Variants in FBLN5 observed in about 807,000 individuals in gnomAD.
The protein encoded by FBLN5 is fibulin 5, also known as fibulin-5.
FBLN5 carries 24 observed loss-of-function variants against 61.6 expected under a neutral mutation model. The observed-to-expected ratio is 0.39, with a 90% CI of 0.28 to 0.55. The LOEUF is 0.55. Among genes scored for constraint, FBLN5 ranks in the 20% least tolerant of loss-of-function variants. FBLN5 has a pLI of 0.65. For synonymous variants in FBLN5, 213 were observed against 219.8 expected (o/e 0.97, Z 0.27); for missense variants, 470 against 594.1 (o/e 0.79, Z 2.17).
chr14:91,888,131 T>C (rs1362020818), intron 6 of FBLN5, among the ~76,000 whole-genome samples: 1 of 151,516 alleles, frequency 6.6e-6, no homozygotes, highest in African/African-American at 2.4e-5. Flanking sequence ...GGACCCCATC[T>C]CTTCAAAAAA....
chr14:91,884,590 C>T (rs1483397529), intron 7 of FBLN5, among the ~76,000 whole-genome samples: 1 of 152,214 alleles, frequency 6.6e-6, no homozygotes, highest in African/African-American at 2.4e-5. Flanking sequence ...GGTTAGCTGA[C>T]TTGACCAAGT....
At chr14:91,938,901 G>A (rs181966175) in intron 3 of FBLN5, among the ~76,000 whole-genome samples, 196 of 152,300 alleles carry the variant, frequency 1.3e-3, no homozygotes, top group Non-Finnish European at 2.4e-3. Context: ...TGAAGCCATC[G>A]CTGAAATGGG....
intron 4 of FBLN5, among the ~76,000 whole-genome samples, chr14:91,899,941 C>T (rs1479193478): frequency 6.6e-6 from 1 of 152,180 alleles, no homozygotes; most frequent in East Asian, 1.9e-4. Context: ...TGAACAGAAC[C>T]TTCCATTGTG....
intron 3 of FBLN5, among the ~76,000 whole-genome samples, chr14:91,938,125 C>G (rs942916664): frequency 1.3e-5 from 2 of 152,196 alleles, no homozygotes; most frequent in Non-Finnish European, 2.9e-5. Flanking sequence ...CTTCAAGTAA[C>G]AGTGGTCAGG....
chr14:91,894,920 G>A (rs531023960), intron 5 of FBLN5, 30 bp downstream of exon 5: 2 of 1,486,062 alleles, frequency 1.3e-6, no homozygotes, highest in South Asian at 2.2e-5. Context: ...ACTTCCAAGA[G>A]TCCCTGTGAC....
At position 91,937,111 on chromosome 14, in the gene FBLN5, G is replaced by A; in HGVS notation, c.215C>T (p.Thr72Ile). The change falls in exon 4 of 11, where the codon ACA becomes ATA. Residue 72 changes from threonine to isoleucine, a missense_variant. Physicochemically the swap from Thr to Ile is moderately conservative, Grantham distance 89 (BLOSUM62 -1). Transcript: ENST00000342058. ...QNGGYLCIPRTNPVYRGPYSN... is the reference protein window; with the variant it reads ...QNGGYLCIPRINPVYRGPYSN... Reference sequence around the variant, plus strand: ...GTAGGGCCCTCGATACACAGGGTTTGTCCGGGGAATGCATAAATACCCGCC... The same window carrying A: ...GTAGGGCCCTCGATACACAGGGTTTATCCGGGGAATGCATAAATACCCGCC... 6.2e-7 allele frequency: 1 copy of A among 1,614,096 alleles called. No homozygotes were observed. Among genetic ancestry groups the A allele is most frequent in the Non-Finnish European group, 8.5e-7 (1 of 1,180,024 alleles).
At chr14:91,939,495 A>C (rs559837727) in intron 3 of FBLN5, among the ~76,000 whole-genome samples, 70 of 151,224 alleles carry the variant, frequency 4.6e-4, no homozygotes, top group Non-Finnish European at 9.0e-4. Context: ...ACATGCCACT[A>C]CTCCTGGCTA....
chr14:91,930,523 T>C (rs926992747), intron 4 of FBLN5, among the ~76,000 whole-genome samples: 2 of 152,228 alleles, frequency 1.3e-5, no homozygotes, highest in Non-Finnish European at 2.9e-5. Flanking sequence ...ATCGGTTTCA[T>C]GGTTTCACGC....
At chr14:91,880,518 TGTGC>T (rs1231730602) in intron 9 of FBLN5, among the ~76,000 whole-genome samples, 11 of 117,974 alleles carry the variant, frequency 9.3e-5, no homozygotes, top group South Asian at 3.4e-4. Flanking sequence ...TCTGTGGGAG[TGTGC>T]GTGCGTGTGT....
At chr14:91,926,775 T>G (rs1595339769) in intron 4 of FBLN5, among the ~76,000 whole-genome samples, 4 of 127,588 alleles carry the variant, frequency 3.1e-5, no homozygotes, top group Non-Finnish European at 5.1e-5. Context: ...GTACGTGGAG[T>G]GGATCGGGGG....
At chr14:91,909,465 T>C (rs1890828069) in intron 4 of FBLN5, among the ~76,000 whole-genome samples, 2 of 152,296 alleles carry the variant, frequency 1.3e-5, no homozygotes, top group Admixed American at 6.5e-5. Flanking sequence ...GTACTGAAAT[T>C]CAGTTGCCAC....
chr14:91,928,743 T>C (rs1006348678), intron 4 of FBLN5, among the ~76,000 whole-genome samples: 16 of 148,012 alleles, frequency 1.1e-4, no homozygotes, highest in African/African-American at 3.8e-4. Context: ...CTGTAATCCA[T>C]CCAGCTTGGA....
chr14:91,911,925 G>A (rs775076954), intron 4 of FBLN5, among the ~76,000 whole-genome samples: 1 of 152,154 alleles, frequency 6.6e-6, no homozygotes, highest in African/African-American at 2.4e-5. Context: ...ACCTGAAAGC[G>A]GAAGACCTCC....
intron 2 of FBLN5, among the ~76,000 whole-genome samples, chr14:91,941,193 C>A (rs991852108): frequency 2.0e-5 from 3 of 152,128 alleles, no homozygotes; most frequent in African/African-American, 7.2e-5. Flanking sequence ...CCCATGAAAT[C>A]CTCTACCTGA....
At chr14:91,939,225 T>C (rs1169976814) in intron 3 of FBLN5, among the ~76,000 whole-genome samples, 2 of 152,214 alleles carry the variant, frequency 1.3e-5, no homozygotes, top group South Asian at 2.1e-4. Context: ...TTCCATGCTC[T>C]GAGTGTCCTT....
intron 4 of FBLN5, among the ~76,000 whole-genome samples, chr14:91,910,617 T>C (rs1306878148): frequency 1.3e-5 from 2 of 152,170 alleles, no homozygotes; most frequent in Non-Finnish European, 2.9e-5. Flanking sequence ...CTGAAAGAAA[T>C]AATCGATCTG....
intron 4 of FBLN5, among the ~76,000 whole-genome samples, chr14:91,926,443 C>T (rs2498820): frequency 0.071 from 10,741 of 152,214 alleles, 507 homozygotes; most frequent in African/African-American, 0.13. Context: ...GGCAGCCCAA[C>T]GGATAGGAGA....
intron 4 of FBLN5, 127 bp from the exon 5 acceptor site, chr14:91,895,199 G>A (rs1595308718): frequency 8.8e-7 from 1 of 1,130,322 alleles, no homozygotes; most frequent in East Asian, 2.4e-5. Flanking sequence ...CACCCAAGGA[G>A]GTGGCAGTGC....
intron 7 of FBLN5, among the ~76,000 whole-genome samples, 167 bp from the exon 8 acceptor site, chr14:91,883,243 T>A (rs1595298546): frequency 6.6e-6 from 1 of 152,362 alleles, no homozygotes. Flanking sequence ...GAGAGCTCAC[T>A]ACCTACTGAG....
Sources: allele counts gnomAD v4.1 joint callset (sites outside exome capture counted in the v4.1 genomes callset), GRCh38; gene constraint gnomAD v4.1.1; transcripts MANE v1.5; gene names NCBI Gene and HGNC (gene_info 2026-07-23, HGNC 2026-07-21).